The following PLCB1 variants were observed in gnomAD, a reference collection of about 807,000 sequenced individuals.
PLCB1 encodes phospholipase C beta 1, also known as 1-phosphatidylinositol 4,5-bisphosphate phosphodiesterase beta-1.
Under a neutral mutation model 161.8 loss-of-function variants are expected in PLCB1, and 46 were observed. That is an observed-to-expected ratio of 0.28 (90% confidence interval 0.22 to 0.36). The LOEUF is 0.36. Among genes scored for constraint, PLCB1 ranks in the 10% least tolerant of loss-of-function variants. The pLI, the probability that PLCB1 is intolerant of heterozygous loss-of-function variation, is 1.00. For synonymous variants in PLCB1, 517 were observed against 503.7 expected (o/e 1.03, Z -0.35); for missense variants, 1,016 against 1,472.5 (o/e 0.69, Z 5.07).
chr20:8,500,085 G>C (rs1983341328), intron 3 of PLCB1, among the ~76,000 whole-genome samples: 1 of 152,142 alleles, frequency 6.6e-6, no homozygotes, highest in African/African-American at 2.4e-5. Context: ...AAAGATTATA[G>C]AAAAGATTAT....
At chr20:8,541,363 T>C (rs568359966) in intron 3 of PLCB1, among the ~76,000 whole-genome samples, 54 of 152,142 alleles carry the variant, frequency 3.5e-4, no homozygotes, top group African/African-American at 1.2e-3. Flanking sequence ...AGTAACATAG[T>C]AGAAAAAAAT....
chr20:8,790,051 T>C (rs1180701823), intron 30 of PLCB1, 124 bp from the exon 31 acceptor site: 1 of 664,022 alleles, frequency 1.5e-6, no homozygotes, highest in Non-Finnish European at 2.6e-6. Context: ...GTAAGTGTAG[T>C]TCTTGATCAG....
intron 3 of PLCB1, among the ~76,000 whole-genome samples, chr20:8,578,108 C>T (rs534529117): frequency 2.4e-4 from 36 of 152,280 alleles, no homozygotes; most frequent in African/African-American, 8.7e-4. Flanking sequence ...TATACTCATT[C>T]CTTTGTCTTC....
At chr20:8,780,954 A>T (rs1170690557) in intron 27 of PLCB1, among the ~76,000 whole-genome samples, 1 of 152,270 alleles carries the variant, frequency 6.6e-6, no homozygotes, top group African/African-American at 2.4e-5. Context: ...TGAATTGACT[A>T]GGAAATCTAT....
intron 5 of PLCB1, 103 bp downstream of exon 5, chr20:8,646,284 G>T: frequency 2.6e-6 from 2 of 768,228 alleles, no homozygotes; most frequent in South Asian, 3.1e-5. Flanking sequence ...TTCTCACATT[G>T]ATAAACACAA....
intron 27 of PLCB1, among the ~76,000 whole-genome samples, chr20:8,786,485 T>C (rs1983488029): frequency 1.3e-5 from 2 of 152,312 alleles, no homozygotes; most frequent in Admixed American, 1.3e-4. Context: ...TTTAAACGAA[T>C]GTGGATTCCG....
chr20:8,319,962 G>A (rs1231452268), intron 2 of PLCB1, among the ~76,000 whole-genome samples: 3 of 151,892 alleles, frequency 2.0e-5, no homozygotes, highest in African/African-American at 4.8e-5. Context: ...AAAACTGCAC[G>A]TTGTACACAT....
chr20:8,188,866 G>A (rs545154301), intron 2 of PLCB1, among the ~76,000 whole-genome samples: 6 of 152,228 alleles, frequency 3.9e-5, no homozygotes, highest in Admixed American at 6.5e-5. Flanking sequence ...GTATTGTGTA[G>A]CAGACTGCTA....
At chr20:8,266,826 G>A (rs6140575) in intron 2 of PLCB1, among the ~76,000 whole-genome samples, 11,586 of 152,156 alleles carry the variant, frequency 0.076, 552 homozygotes, top group East Asian at 0.19. Context: ...ACCACCTGAG[G>A]TCAGGAGTTC....
At position 8,261,446 on chromosome 20, in the gene PLCB1, G is replaced by A. The variant is rs545451301; in HGVS notation, c.178-109936G>A. ...AGGAGATGTCTAACTAAGCTATTTA[G>A]GGAAACATACCTTAAGGCTATTAAA... is the stretch of plus-strand genomic sequence containing the variant. On this transcript the variant is annotated intron_variant, in intron 2 of 31. Coordinates refer to ENST00000338037, the MANE Select transcript of PLCB1 (RefSeq NM_015192.4). Among the ~76,000 whole-genome samples the A allele has an allele frequency of 2.6e-5, 4 of 152,240 alleles. No individual in the cohort carries two copies. In the South Asian group the frequency reaches 8.3e-4, roughly 32 times the overall value.
Position 8,646,129 on chromosome 20 carries a change from G to T in PLCB1, c.412G>T (p.Ala138Ser). Residue 138 changes from alanine to serine, a missense_variant, in exon 5 of 32, where the codon GCA becomes TCA. This residue lies in a region of PLCB1 where 181 missense variants were observed against 236.7 expected (regional missense o/e 0.76). Coordinates refer to ENST00000338037, the MANE Select transcript of PLCB1 (RefSeq NM_015192.4). ...KEWTNEVFSL[A>S]TNLLAQNMSR... is the part of the protein sequence containing the mutation. ...ATGGACAAATGAGGTTTTCAGTTTG[G>T]CAACAAACCTGCTGGCCCAAAACAT... The T allele has an allele frequency of 6.2e-7, 1 of 1,613,486 alleles. No homozygotes were observed. The highest frequency in any genetic ancestry group is 8.5e-7 in the Non-Finnish European group (1 of 1,179,436).
At chr20:8,256,806 AAAG>A (rs906068289) in intron 2 of PLCB1, 4 of 152,272 alleles carry the variant, frequency 2.6e-5, no homozygotes, top group African/African-American at 9.6e-5. Flanking sequence ...CTCCTACTAA[AAAG>A]AAGATTAATG....
chr20:8,663,000 G>A (rs1445422243), intron 9 of PLCB1, among the ~76,000 whole-genome samples: 2 of 152,018 alleles, frequency 1.3e-5, no homozygotes, highest in Non-Finnish European at 2.9e-5. Context: ...TTCTTCTGCT[G>A]CTTTCATTTT....
chr20:8,742,459 G>A (rs552394177), intron 23 of PLCB1, among the ~76,000 whole-genome samples: 46 of 152,062 alleles, frequency 3.0e-4, no homozygotes, highest in African/African-American at 1.1e-3. Flanking sequence ...TTCTTATTTC[G>A]AAAGCATCCT....
At chr20:8,529,173 A>G (rs1042808973) in intron 3 of PLCB1, among the ~76,000 whole-genome samples, 2 of 152,242 alleles carry the variant, frequency 1.3e-5, no homozygotes, top group Middle Eastern at 3.4e-3. Context: ...GAAGACATTC[A>G]TGTAAATCTG....
chr20:8,346,752 G>A (rs1331599285), intron 2 of PLCB1, among the ~76,000 whole-genome samples: 1 of 151,726 alleles, frequency 6.6e-6, no homozygotes, highest in Non-Finnish European at 1.5e-5. Flanking sequence ...AGCTCAAATT[G>A]CATTCAACAG....
intron 31 of PLCB1, among the ~76,000 whole-genome samples, chr20:8,850,422 T>A (rs1986848494): frequency 6.6e-6 from 1 of 152,186 alleles, no homozygotes; most frequent in South Asian, 2.1e-4. Context: ...CTCCCTTTAC[T>A]GGGTTAGGAA....
intron 9 of PLCB1, among the ~76,000 whole-genome samples, chr20:8,681,122 T>TATATATATATAAAAA (rs1990210891): frequency 1.7e-5 from 2 of 120,676 alleles, no homozygotes; most frequent in Non-Finnish European, 3.6e-5. Flanking sequence ...ATATATATAA[T>TATATATATATAAAAA]ATATATAAAA....
rs921505860 is a variant in PLCB1 at position 8,132,600 on chromosome 20, C to T, written c.-52C>T. The T allele has an allele frequency of 7.6e-6, 10 of 1,323,348 alleles. No individual in the cohort carries two copies. The Admixed American group carries it at 1.4e-4, about 19-fold the overall frequency. 82.0% of individuals were successfully genotyped at this position (1,323,348 alleles called of 1,614,324 possible). On this transcript the variant is annotated 5_prime_UTR_variant, in exon 1 of 32. Transcript: ENST00000338037. The surrounding 1 kb of genome is among the most constrained non-coding windows in gnomAD (Gnocchi z 5.2). ...CCGCGCCCCGCGCCCCGCGCACGGTCCCCAGTCCCTGCCGCGCTCGCCCGG... is the reference window on the plus strand; with the variant it reads ...CCGCGCCCCGCGCCCCGCGCACGGTTCCCAGTCCCTGCCGCGCTCGCCCGG...
Sources: gnomAD v4.1 joint callset for allele counts (sites outside exome capture counted in the v4.1 genomes callset) on GRCh38, gnomAD v4.1.1 for gene constraint, gnomAD v4.1.1 regional missense constraint, Gnocchi (gnomAD v3.1) non-coding constraint, MANE v1.5 for transcripts, NCBI Gene and HGNC (gene_info 2026-07-23, HGNC 2026-07-21) for gene names.